The following SPATA13 variants were observed in gnomAD, a reference collection of about 807,000 sequenced individuals.
SPATA13 encodes spermatogenesis associated 13, also known as spermatogenesis-associated protein 13.
A neutral mutation model predicts 104.0 loss-of-function variants in SPATA13; 50 were observed. The observed-to-expected ratio is 0.48, with a 90% CI of 0.38 to 0.61. The LOEUF (loss-of-function observed/expected upper bound fraction) is 0.61, where lower values mean the gene tolerates loss of function less well. SPATA13 is among the 20% of genes least tolerant of loss of function. The pLI is 0.00. For synonymous variants in SPATA13, 606 were observed against 667.5 expected (o/e 0.91, Z 1.42); for missense variants, 1,524 against 1,690.6 (o/e 0.90, Z 1.73).
rs1423030988 is a variant in SPATA13, at chr13:24,161,846, A to G, written c.-112+914A>G. 6.6e-6 allele frequency among the ~76,000 whole-genome samples: 1 copy of G among 152,174 alleles called. No individual in the cohort carries two copies. Among genetic ancestry groups the G allele is most frequent in the Non-Finnish European group, 1.5e-5 (1 of 68,032 alleles). ...CTTATATTATGCACCTCCCCCTGCC[A>G]GCATTTTCTCTGTCCCCACCTTCGG... On this transcript the variant is annotated intron_variant, in intron 1 of 12. Transcript: ENST00000382108. The surrounding 1 kb of genome is among the most constrained non-coding windows in gnomAD (Gnocchi z 4.5).
chr13:24,243,171 G>C (rs556306602), intron 2 of SPATA13, among the ~76,000 whole-genome samples: 19 of 152,230 alleles, frequency 1.2e-4, no homozygotes, highest in African/African-American at 4.1e-4. Context: ...ATATATTCAC[G>C]TCACTCATCC....
intron 2 of SPATA13, 94 bp from the exon 3 acceptor site, chr13:24,249,383 G>C: frequency 1.4e-6 from 2 of 1,406,008 alleles, no homozygotes; most frequent in Non-Finnish European, 1.9e-6. Flanking sequence ...AAAACCCGAG[G>C]CACGGCTGTG....
chr13:24,038,933 A>G (rs534331837), intron 3 of SPATA13, among the ~76,000 whole-genome samples: 5 of 152,338 alleles, frequency 3.3e-5, no homozygotes, highest in South Asian at 4.1e-4. Flanking sequence ...AAACCTGCTC[A>G]TCCCAGGCAA....
In SPATA13 at chr13:24,189,888, T is replaced by TTACGTA. The variant is rs1183699254; in HGVS notation, c.-112+28956_-112+28957insTACGTA. On this transcript the variant is annotated intron_variant, in intron 1 of 12. Coordinates refer to ENST00000382108, the MANE Select transcript of SPATA13 (RefSeq NM_001166271.3). ...TATATAATATAATTATATATCATAA[T>TTACGTA]ATATATTATATAATTATATTACATA... Among the ~76,000 whole-genome samples, 10 of 10,310 alleles carry TTACGTA rather than the reference T, an allele frequency of 9.7e-4. 2 individuals carry two copies. The Non-Finnish European group carries it at 0.013, about 13-fold the overall frequency. The allele number at this position is 10,310 out of a possible 152,430, so 6.8% of individuals were successfully genotyped here. A position where few individuals can be genotyped will look rare whatever the true frequency, so the allele number is the denominator to read the frequency against.
chr13:24,103,193 A>G (rs1448063564), intron 3 of SPATA13, among the ~76,000 whole-genome samples: 1 of 152,222 alleles, frequency 6.6e-6, no homozygotes, highest in African/African-American at 2.4e-5. Flanking sequence ...GAACAAATAC[A>G]GAGTAGTTAT....
At chr13:24,082,003 A>C (rs987485749) in intron 3 of SPATA13, among the ~76,000 whole-genome samples, 2 of 152,114 alleles carry the variant, frequency 1.3e-5, no homozygotes, top group African/African-American at 4.8e-5. Context: ...GTGCTGCTGT[A>C]TTGGTCTCGA....
At chr13:24,141,755 C>T (rs1038483935) in intron 3 of SPATA13, among the ~76,000 whole-genome samples, 5 of 152,276 alleles carry the variant, frequency 3.3e-5, no homozygotes, top group East Asian at 1.9e-4. Flanking sequence ...GGGAGCCTCC[C>T]GTGGCTAAGA....
At chr13:24,044,233 C>CTT (rs67709070) in intron 3 of SPATA13, among the ~76,000 whole-genome samples, 2,473 of 122,940 alleles carry the variant, frequency 0.02, 55 homozygotes, top group Non-Finnish European at 0.029. Flanking sequence ...TTCTTTCTTT[C>CTT]TTTTTTTTTT....
intron 3 of SPATA13, among the ~76,000 whole-genome samples, chr13:24,085,814 T>C (rs1879699271): frequency 6.6e-6 from 1 of 152,222 alleles, no homozygotes; most frequent in South Asian, 2.1e-4. Flanking sequence ...TAGGGTCCAG[T>C]GTATTTCCTG....
chr13:24,004,271 TAA>T (rs1347835144), intron 2 of SPATA13, among the ~76,000 whole-genome samples: 2 of 152,200 alleles, frequency 1.3e-5, no homozygotes, highest in African/African-American at 2.4e-5. Context: ...CATCAGTCAA[TAA>T]AGAGTCAGGA....
intron 3 of SPATA13, among the ~76,000 whole-genome samples, chr13:24,033,028 G>T (rs965595437): frequency 1.3e-5 from 2 of 152,176 alleles, no homozygotes; most frequent in African/African-American, 4.8e-5. Context: ...TAAAAATTCA[G>T]ATTTTTTTCT....
At chr13:24,241,558 G>A (rs1204991066) in intron 2 of SPATA13, among the ~76,000 whole-genome samples, 2 of 152,258 alleles carry the variant, frequency 1.3e-5, no homozygotes, top group African/African-American at 2.4e-5. Context: ...CACAGTGGTT[G>A]TTCCTCAGCT....
At chr13:24,160,694 G>C, upstream of SPATA13, 1 of 984,476 alleles carries the variant, frequency 1.0e-6, no homozygotes, top group Non-Finnish European at 1.2e-6. Flanking sequence ...GCCTGGTGGG[G>C]AGCGGGGCTG....
chr13:24,195,872 G>A (rs1354204422), intron 1 of SPATA13, among the ~76,000 whole-genome samples: 2 of 152,170 alleles, frequency 1.3e-5, no homozygotes, highest in East Asian at 3.8e-4. Flanking sequence ...GATTTAATTA[G>A]CTCAAGTGAT....
chr13:24,252,507 A>G (rs1467916102), intron 4 of SPATA13, among the ~76,000 whole-genome samples: 1 of 152,130 alleles, frequency 6.6e-6, no homozygotes, highest in Non-Finnish European at 1.5e-5. Flanking sequence ...AACGTATACC[A>G]TGTTTGTAAC....
At chr13:24,015,137 C>T (rs2137691420) in intron 2 of SPATA13, among the ~76,000 whole-genome samples, 1 of 152,244 alleles carries the variant, frequency 6.6e-6, no homozygotes, top group Admixed American at 6.5e-5. Context: ...CATGATCTGC[C>T]TGCCTTGGCC....
At chr13:24,252,663 A>G (rs1873560552) in intron 4 of SPATA13, 1 of 152,162 alleles carries the variant, frequency 6.6e-6, no homozygotes, top group African/African-American at 2.4e-5. Flanking sequence ...TTTCTGTAAC[A>G]CTGGTTTTTG....
intron 3 of SPATA13, among the ~76,000 whole-genome samples, chr13:24,110,695 AGGTTCTTAGAAGCTATTT>A (rs2137812427): frequency 6.6e-6 from 1 of 152,336 alleles, no homozygotes; most frequent in East Asian, 1.9e-4. Context: ...CCCGCTGATG[AGGTTCTTAGAAGCTATTT>A]GGGGAATACA....
At chr13:24,288,078 G>A (rs926086312) in intron 7 of SPATA13, among the ~76,000 whole-genome samples, 1 of 152,188 alleles carries the variant, frequency 6.6e-6, no homozygotes, top group Non-Finnish European at 1.5e-5. Flanking sequence ...GGTCTGCAGT[G>A]CCATTTAGGG....
Sources: gnomAD v4.1 joint callset for allele counts (sites outside exome capture counted in the v4.1 genomes callset) on GRCh38, gnomAD v4.1.1 for gene constraint, Gnocchi (gnomAD v3.1) non-coding constraint, MANE v1.5 for transcripts, NCBI Gene and HGNC (gene_info 2026-07-23, HGNC 2026-07-21) for gene names.